Variants in RTN3 observed in about 807,000 individuals in gnomAD.
RTN3 encodes the protein reticulon 3, also known as reticulon-3.
A neutral mutation model predicts 77.8 loss-of-function variants in RTN3; 49 were observed. The ratio of observed to expected loss-of-function variants is 0.63; its 90% CI spans 0.50 to 0.80. The LOEUF is 0.80. Among genes scored for constraint, RTN3 ranks in the 30% least tolerant of loss-of-function variants. RTN3 has a pLI of 0.00. For synonymous variants in RTN3, 464 were observed against 446.9 expected, an observed-to-expected ratio of 1.04 and a Z score of -0.48; for missense variants, 1,236 against 1,211.9, an observed-to-expected ratio of 1.02 and a Z score of -0.29.
intron 1 of RTN3, among the ~76,000 whole-genome samples, chr11:63,703,824 G>C (rs1375888708): frequency 1.3e-5 from 2 of 151,910 alleles, no homozygotes; most frequent in Admixed American, 1.3e-4. Flanking sequence ...TTACAGGCAT[G>C]AGCCACCACG....
intron 3 of RTN3, among the ~76,000 whole-genome samples, chr11:63,749,165 A>G (rs2013970126): frequency 6.6e-6 from 1 of 152,174 alleles, no homozygotes; most frequent in Non-Finnish European, 1.5e-5. Flanking sequence ...CTGTAGTCCT[A>G]GCTACTCAGA....
Position 63,719,060 on chromosome 11 carries a change from C to T in RTN3, c.558C>T (p.Asn186=), listed in dbSNP as rs780643783. 6.2e-7 allele frequency: 1 copy of T among 1,614,130 alleles called. No individual in the cohort carries two copies. The highest frequency in any genetic ancestry group is 1.1e-5 in the South Asian group (1 of 91,074). Residue 186 remains asparagine (N), a synonymous_variant, in exon 3 of 9, where the codon AAC becomes AAT. Coordinates refer to ENST00000377819, the MANE Select transcript of RTN3 (RefSeq NM_001265589.2). ...VEEQIDKETK[N]PNGVSSREAK... is the part of the protein sequence containing the mutation. ...AGCAAATAGATAAAGAGACCAAGAA[C>T]CCAAATGGGGTATCAAGTAGGGAGG... is the stretch of plus-strand genomic sequence containing the variant.
In RTN3 at chr11:63,719,927, C is replaced by T. The variant is rs893086828; in HGVS notation, c.1425C>T (p.Asp475=). 5 of 1,614,138 alleles carry T rather than the reference C, an allele frequency of 3.1e-6. No individual in the cohort carries two copies. Among genetic ancestry groups the T allele is most frequent in the East Asian group, 2.2e-5 (1 of 44,880 alleles). The change falls in exon 3 of 9, where the codon GAC becomes GAT. Residue 475 remains aspartate, a synonymous_variant. Transcript: ENST00000377819. The part of the protein sequence containing the change: ...VATVKVVLPD[D]HLKDEMDWQS... ...CAGTGAAAGTGGTTTTACCTGATGA[C>T]CACCTGAAAGATGAAATGGACTGGC...
intron 3 of RTN3, among the ~76,000 whole-genome samples, chr11:63,729,739 C>T (rs1290492856): frequency 6.6e-6 from 1 of 151,926 alleles, no homozygotes; most frequent in African/African-American, 2.4e-5. Flanking sequence ...GGATTATAGG[C>T]ATGAGCCACT....
intron 4 of RTN3, 135 bp downstream of exon 4, chr11:63,750,333 T>TC (rs1196539018): frequency 2.8e-6 from 2 of 726,492 alleles, no homozygotes. Flanking sequence ...GCATGAAGCA[T>TC]CCCCTAGAGA....
At chr11:63,743,734 G>T (rs756938534) in intron 3 of RTN3, among the ~76,000 whole-genome samples, 17 of 152,146 alleles carry the variant, frequency 1.1e-4, no homozygotes, top group Non-Finnish European at 2.1e-4. Flanking sequence ...GGCCAACATG[G>T]TGAAACCCTG....
Position 63,720,352 on chromosome 11 carries a change from C to T in RTN3, c.1850C>T (p.Pro617Leu), listed in dbSNP as rs934719863. 3 of 1,613,896 alleles carry T rather than the reference C, an allele frequency of 1.9e-6. No individual in the cohort carries two copies. Among genetic ancestry groups the T allele is most frequent in the African/African-American group, 1.3e-5 (1 of 74,898 alleles). ...CCCAAACTTCCTTCAACAGTGTCTC[C>T]AAATGTTTTTAATGAGACAGAATTC... ...ENPKLPSTVS[P>L]NVFNETEFSL... is the part of the protein sequence containing the mutation. Residue 617 changes from proline to leucine, a missense_variant, in exon 3 of 9, where the codon CCA (proline) becomes CTA (leucine). Pro to Leu is a moderately conservative substitution (Grantham distance 98). Coordinates refer to ENST00000377819, the MANE Select transcript of RTN3 (RefSeq NM_001265589.2).
rs536206828 is a variant in RTN3 at position 63,702,709 on chromosome 11, G to A, written c.143-2142G>A. 3.2e-3 allele frequency among the ~76,000 whole-genome samples: 459 copies of A among 141,674 alleles called. 3 individuals are homozygous for A. Among genetic ancestry groups the A allele is most frequent in the African/African-American group, 0.012 (443 of 38,156 alleles). The allele number at this position is 141,674 out of a possible 152,430, so 92.9% of individuals were successfully genotyped here. ...GTTTTTTTGTTTTTTTTTTTGAGAC[G>A]GAGTCTTGCTCTGTTGCCCAGGCTG... On this transcript the variant is annotated intron_variant, in intron 1 of 8. Transcript: ENST00000377819.
In RTN3 at chr11:63,719,875, G is replaced by T. The variant is rs1335720646; in HGVS notation, c.1373G>T (p.Cys458Phe). ...TTACCTGGATCTCCACCTGAGAAAT[G>T]TGACTCTTTGGGTTCTGGAGTGGCC... ...AELPGSPPEK[C>F]DSLGSGVATV... The change falls in exon 3 of 9, where the codon TGT becomes TTT. Residue 458 changes from cysteine to phenylalanine, a missense_variant. By Grantham distance (205) the Cys-to-Phe change is radical. This residue lies in a region of RTN3 where 1,056 missense variants were observed against 990.4 expected (regional missense o/e 1.07). Coordinates refer to ENST00000377819, the MANE Select transcript of RTN3 (RefSeq NM_001265589.2). 1 of 1,614,206 alleles carries T rather than the reference G, an allele frequency of 6.2e-7. No individual in the cohort carries two copies. The highest frequency in any genetic ancestry group is 1.1e-5 in the South Asian group (1 of 91,088).
chr11:63,739,803 T>G (rs767516683), intron 3 of RTN3, among the ~76,000 whole-genome samples: 55 of 152,354 alleles, frequency 3.6e-4, no homozygotes, highest in African/African-American at 1.3e-3. Context: ...CAAAAGACTT[T>G]AATTTTTTCT....
At chr11:63,730,994 T>C (rs920210569) in intron 3 of RTN3, among the ~76,000 whole-genome samples, 1 of 152,200 alleles carries the variant, frequency 6.6e-6, no homozygotes, top group Admixed American at 6.5e-5. Context: ...ACACATTATT[T>C]TACAAGTGTA....
At chr11:63,692,110 C>T (rs1385138049) in intron 1 of RTN3, among the ~76,000 whole-genome samples, 2 of 152,120 alleles carry the variant, frequency 1.3e-5, no homozygotes, top group Non-Finnish European at 2.9e-5. Flanking sequence ...TCAAACTCTG[C>T]CTCCCAGGTT....
At chr11:63,682,807 C>G (rs1248018269) in intron 1 of RTN3, among the ~76,000 whole-genome samples, 3 of 151,920 alleles carry the variant, frequency 2.0e-5, no homozygotes, top group Non-Finnish European at 4.4e-5. Flanking sequence ...TCCCCTTATG[C>G]AGAAATCTGC....
intron 6 of RTN3, 86 bp downstream of exon 6, chr11:63,753,224 C>T (rs923010977): frequency 7.8e-7 from 1 of 1,283,516 alleles, no homozygotes; most frequent in Non-Finnish European, 1.1e-6. Flanking sequence ...TGGCTCTACT[C>T]ATTCTTCATT....
chr11:63,757,641 G>A (rs2014448386), intron 8 of RTN3, among the ~76,000 whole-genome samples: 1 of 152,124 alleles, frequency 6.6e-6, no homozygotes. Flanking sequence ...TTACAGGCAT[G>A]AGCCCTGCTT....
chr11:63,684,129 GTTTTTTT>G lies in RTN3; in HGVS notation c.142+2370_142+2376del, dbSNP rs61663789. On this transcript the variant is annotated intron_variant, in intron 1 of 8. Coordinates refer to ENST00000377819, the MANE Select transcript of RTN3 (RefSeq NM_001265589.2). ...ACCACGCGTGGTTAATTTTCTTTTG[GTTTTTTT>G]TTTTTTTTTTTTTTTTTTGGTTTTT... Among the ~76,000 whole-genome samples, 394 of 85,268 alleles carry G rather than the reference GTTTTTTT, an allele frequency of 4.6e-3. 3 individuals carry two copies. Among genetic ancestry groups the G allele is most frequent in the Non-Finnish European group, 6.1e-3 (298 of 49,190 alleles). The allele number at this position is 85,268 out of a possible 152,430, so 55.9% of individuals were successfully genotyped here.
intron 1 of RTN3, among the ~76,000 whole-genome samples, chr11:63,703,856 A>G (rs950645415): frequency 6.6e-6 from 1 of 151,798 alleles, no homozygotes; most frequent in Non-Finnish European, 1.5e-5. Flanking sequence ...ATATCTTTGT[A>G]CATGTATGCA....
Position 63,728,587 on chromosome 11 carries a change from C to G in RTN3, c.2530+7555C>G, listed in dbSNP as rs2012441642. On this transcript the variant is annotated intron_variant, in intron 3 of 8. Coordinates refer to ENST00000377819, the MANE Select transcript of RTN3 (RefSeq NM_001265589.2). ...TGAAAACCAAAAATAAGGAGAAAATCTTGAAAGTAGCTAGAGAAGAGGCTG... is the reference window on the plus strand; with the variant it reads ...TGAAAACCAAAAATAAGGAGAAAATGTTGAAAGTAGCTAGAGAAGAGGCTG... Among the ~76,000 whole-genome samples the G allele has an allele frequency of 2.0e-5, 3 of 152,128 alleles. No individual in the cohort carries two copies. In the South Asian group the frequency reaches 6.2e-4, roughly 32 times the overall value.
intron 3 of RTN3, among the ~76,000 whole-genome samples, chr11:63,744,717 C>T (rs1011673089): frequency 2.6e-5 from 4 of 152,032 alleles, no homozygotes; most frequent in Non-Finnish European, 5.9e-5. Context: ...TTCTGCTGGT[C>T]GCTGTGGTTC....
Sources: allele counts gnomAD v4.1 joint callset (sites outside exome capture counted in the v4.1 genomes callset), GRCh38; gene constraint gnomAD v4.1.1; regional missense constraint gnomAD v4.1.1; transcripts MANE v1.5; gene names NCBI Gene and HGNC (gene_info 2026-07-23, HGNC 2026-07-21).